The following ZC2HC1A variants were observed in gnomAD, a reference collection of about 807,000 sequenced individuals.
ZC2HC1A encodes zinc finger C2HC-type containing 1A.
ZC2HC1A carries 28 observed loss-of-function variants against 40.7 expected under a neutral mutation model. The ratio of observed to expected loss-of-function variants is 0.69; its 90% CI spans 0.51 to 0.94. The LOEUF is 0.94. Among genes scored for constraint, ZC2HC1A ranks in the 40% least tolerant of loss-of-function variants. The pLI is 0.00. For missense variants in ZC2HC1A, 389 were observed against 386.3 expected (o/e 1.01, Z -0.06); for synonymous variants, 129 against 129.2 (o/e 1.00, Z 0.01).
At position 78,697,516 on chromosome 8, in the gene ZC2HC1A, G is replaced by A; in HGVS notation, c.604+10G>A. ...GGCAAAACTGTTGTAGGTAATGATA[G>A]CCGAAAAGCAACTTGATTTGTTTTT... is the stretch of plus-strand genomic sequence containing the variant. On this transcript the variant is annotated intron_variant, in intron 6 of 8. Transcript: ENST00000263849. 7 of 1,598,854 alleles carry A rather than the reference G, an allele frequency of 4.4e-6. No homozygotes were observed. Among genetic ancestry groups the A allele is most frequent in the Non-Finnish European group, 6.0e-6 (7 of 1,173,518 alleles).
intron 8 of ZC2HC1A, among the ~76,000 whole-genome samples, chr8:78,716,603 T>C (rs1389931040): frequency 6.6e-6 from 1 of 152,210 alleles, no homozygotes; most frequent in Admixed American, 6.5e-5. Flanking sequence ...GATCTCTATC[T>C]TTCCTCATGG....
chr8:78,714,019 A>G (rs1811023789), intron 7 of ZC2HC1A, among the ~76,000 whole-genome samples: 1 of 152,194 alleles, frequency 6.6e-6, no homozygotes, highest in Admixed American at 6.5e-5. Flanking sequence ...CTACTTTGCC[A>G]TATAAGTAGA....
intron 6 of ZC2HC1A, 22 bp from the exon 7 acceptor site, chr8:78,698,392 A>G: frequency 6.3e-7 from 1 of 1,584,712 alleles, no homozygotes; most frequent in Non-Finnish European, 8.6e-7. Flanking sequence ...TATTGTTAAA[A>G]ATAATGCTTT....
At chr8:78,675,616 A>G (rs1809554502) in intron 1 of ZC2HC1A, 171 bp from the exon 2 acceptor site, 6 of 569,056 alleles carry the variant, frequency 1.1e-5, no homozygotes, top group Non-Finnish European at 1.8e-5. Context: ...CACCACTGAT[A>G]ACTAAGTATT....
chr8:78,672,789 T>G (rs992160963), intron 1 of ZC2HC1A, among the ~76,000 whole-genome samples: 1 of 152,184 alleles, frequency 6.6e-6, no homozygotes, highest in Non-Finnish European at 1.5e-5. Context: ...TTTTCTTACT[T>G]CAAATTACAG....
At chr8:78,713,361 T>C (rs1296490736) in intron 7 of ZC2HC1A, among the ~76,000 whole-genome samples, 1 of 152,162 alleles carries the variant, frequency 6.6e-6, no homozygotes, top group African/African-American at 2.4e-5. Flanking sequence ...TATAAACATT[T>C]TGAACAACCT....
At chr8:78,714,321 T>C (rs900559571) in intron 7 of ZC2HC1A, among the ~76,000 whole-genome samples, 1 of 152,154 alleles carries the variant, frequency 6.6e-6, no homozygotes, top group African/African-American at 2.4e-5. Context: ...TAAATTTCTA[T>C]GGGCAAAATA....
At chr8:78,686,859 A>T (rs893035705) in intron 4 of ZC2HC1A, among the ~76,000 whole-genome samples, 31 of 152,136 alleles carry the variant, frequency 2.0e-4, no homozygotes, top group African/African-American at 7.5e-4. Flanking sequence ...ATATCATTTA[A>T]AAATTATTAT....
At chr8:78,669,967 C>CTTTTTTTTT (rs371762916) in intron 1 of ZC2HC1A, among the ~76,000 whole-genome samples, 11 of 123,012 alleles carry the variant, frequency 8.9e-5, no homozygotes, top group Non-Finnish European at 1.1e-4. Context: ...TTCTTTCTTT[C>CTTTTTTTTT]TTTCTTTTTT....
chr8:78,669,485 GCA>G (rs1809383041), intron 1 of ZC2HC1A, among the ~76,000 whole-genome samples: 1 of 152,288 alleles, frequency 6.6e-6, no homozygotes, highest in South Asian at 2.1e-4. Context: ...GTAAAACATA[GCA>G]TGCTTGGGAG....
rs527615649 is a variant in ZC2HC1A, at chr8:78,719,433, G to A, written c.*1940G>A. 33 of 151,716 alleles carry A rather than the reference G, an allele frequency of 2.2e-4. No homozygotes were observed. In the South Asian group the frequency reaches 5.2e-3, roughly 24 times the overall value. 9.4% of individuals were successfully genotyped at this position (151,716 alleles called of 1,614,324 possible). On this transcript the variant is annotated 3_prime_UTR_variant, in exon 9 of 9. Coordinates refer to ENST00000263849, the MANE Select transcript of ZC2HC1A (RefSeq NM_016010.3). The stretch of plus-strand genomic sequence containing the variant: ...TAGGTGAAATAGATTTATGACTTAC[G>A]AAATATGTTGTGACAATATATTTAA...
intron 5 of ZC2HC1A, among the ~76,000 whole-genome samples, chr8:78,690,601 A>G (rs899209746): frequency 6.6e-6 from 1 of 151,808 alleles, no homozygotes; most frequent in Non-Finnish European, 1.5e-5. Flanking sequence ...ATTTACATTT[A>G]TATATACATT....
Position 78,675,806 on chromosome 8 carries a change from A to G in ZC2HC1A, c.36A>G (p.Gln12=), listed in dbSNP as rs370653445. The change falls in exon 2 of 9, where the codon CAA becomes CAG. Residue 12 remains glutamine (Q), a synonymous_variant. Coordinates refer to ENST00000263849, the MANE Select transcript of ZC2HC1A (RefSeq NM_016010.3). The stretch of plus-strand genomic sequence containing the variant: ...TTTTAGAGAATGGAGGTGTTGTCCA[A>G]GTTGGAGAATTGTTACCTTGCAAGA... ...EGLEENGGVV[Q]VGELLPCKIC... The G allele has an allele frequency of 2.7e-5, 43 of 1,609,514 alleles. No homozygotes were observed. Among genetic ancestry groups the G allele is most frequent in the Non-Finnish European group, 3.6e-5 (42 of 1,177,406 alleles).
At chr8:78,714,761 A>G (rs1279786423) in intron 7 of ZC2HC1A, among the ~76,000 whole-genome samples, 1 of 152,202 alleles carries the variant, frequency 6.6e-6, no homozygotes, top group Admixed American at 6.5e-5. Flanking sequence ...GCTGCTTTTT[A>G]GAACTTTCAT....
chr8:78,715,892 T>C (rs1368281628), intron 8 of ZC2HC1A, among the ~76,000 whole-genome samples: 1 of 151,450 alleles, frequency 6.6e-6, no homozygotes, highest in African/African-American at 2.4e-5. Context: ...GTAGAAAAAT[T>C]AGCCGGTTGT....
intron 1 of ZC2HC1A, among the ~76,000 whole-genome samples, chr8:78,674,276 A>G (rs1273058540): frequency 1.3e-5 from 2 of 152,192 alleles, no homozygotes. Context: ...TAAGAAGTAG[A>G]TAAGCAAATA....
In ZC2HC1A at chr8:78,719,220, T is replaced by G. The variant is rs1053862211; in HGVS notation, c.*1727T>G. The G allele has an allele frequency of 3.5e-4, 34 of 95,878 alleles. No homozygotes were observed. Among genetic ancestry groups the G allele is most frequent in the African/African-American group, 9.3e-4 (30 of 32,166 alleles). 5.9% of individuals were successfully genotyped at this position (95,878 alleles called of 1,614,324 possible). Reference sequence around the variant, plus strand: ...TTGTTTTATCTAATACTGAGCACTGTTTTTTTGTCAAGTATTTTTTTAAGA... The same window carrying G: ...TTGTTTTATCTAATACTGAGCACTGGTTTTTTGTCAAGTATTTTTTTAAGA... On this transcript the variant is annotated 3_prime_UTR_variant, in exon 9 of 9. Transcript: ENST00000263849.
intron 1 of ZC2HC1A, 120 bp from the exon 2 acceptor site, chr8:78,675,667 A>G (rs981553690): frequency 1.6e-5 from 14 of 882,410 alleles, no homozygotes; most frequent in East Asian, 2.8e-5. Context: ...TTCAAAATGC[A>G]GTAAAACATT....
intron 7 of ZC2HC1A, among the ~76,000 whole-genome samples, chr8:78,709,332 G>A (rs890159114): frequency 6.6e-6 from 1 of 152,112 alleles, no homozygotes; most frequent in African/African-American, 2.4e-5. Flanking sequence ...ATTTTTATAT[G>A]AATAGGAAAC....
Sources: gnomAD v4.1 joint callset for allele counts (sites outside exome capture counted in the v4.1 genomes callset) on GRCh38, gnomAD v4.1.1 for gene constraint, MANE v1.5 for transcripts, NCBI Gene and HGNC (gene_info 2026-07-23, HGNC 2026-07-21) for gene names.